The following LRRC23 variants were observed in gnomAD, a reference collection of about 807,000 sequenced individuals.
The protein encoded by LRRC23 is leucine-rich repeat-containing protein 23.
LRRC23 carries 28 observed loss-of-function variants against 37.7 expected under a neutral mutation model. The ratio of observed to expected loss-of-function variants is 0.74; its 90% confidence interval spans 0.55 to 1.02. The LOEUF is 1.02. Among genes scored for constraint, LRRC23 ranks in the 50% least tolerant of loss-of-function variants. The pLI is 0.00. For missense variants in LRRC23, 377 were observed against 413.2 expected (o/e 0.91, Z 0.76); for synonymous variants, 161 against 165.4 (o/e 0.97, Z 0.20).
chr12:6,906,336 T>C, intron 3 of LRRC23, 73 bp from the exon 4 acceptor site: 1 of 1,473,464 alleles, frequency 6.8e-7, no homozygotes. Context: ...TGCCTTCTGC[T>C]TTAGCAACTC....
chr12:6,907,859 G>A, intron 5 of LRRC23: 1 of 313,622 alleles, frequency 3.2e-6, no homozygotes. Flanking sequence ...ACACCAGCTG[G>A]GTGATCTCTA....
At chr12:6,906,731 A>G in intron 4 of LRRC23, 69 bp downstream of exon 4, 1 of 1,547,568 alleles carries the variant, frequency 6.5e-7, no homozygotes, top group Non-Finnish European at 8.8e-7. Context: ...AGTGGGCAGT[A>G]TGGTCCTTGG....
At chr12:6,908,055 A>G (rs781863140) in intron 5 of LRRC23, among the ~76,000 whole-genome samples, 2 of 152,104 alleles carry the variant, frequency 1.3e-5, no homozygotes, top group Non-Finnish European at 2.9e-5. Context: ...TTAATTTTCT[A>G]GAGTGGTTTT....
chr12:6,908,621 C>CAAAAAAA (rs1565552985), intron 5 of LRRC23, among the ~76,000 whole-genome samples: 482 of 39,002 alleles, frequency 0.012, 7 homozygotes, highest in African/African-American at 0.066. Context: ...AAAAAAAAAA[C>CAAAAAAA]CAAAGAAAAA....
In LRRC23 at chr12:6,907,419, C is replaced by T; in HGVS notation, c.595C>T (p.Leu199Phe). 6.2e-7 allele frequency: 1 copy of T among 1,614,064 alleles called. No individual in the cohort carries two copies. Among genetic ancestry groups the T allele is most frequent in the Non-Finnish European group, 8.5e-7 (1 of 1,180,024 alleles). ...GCTGGAAAGCACCCTGGGAATCAATCTTCCTAAGCTGAAGAACCTCTACCT... is the reference window on the plus strand; with the variant it reads ...GCTGGAAAGCACCCTGGGAATCAATTTTCCTAAGCTGAAGAACCTCTACCT... The part of the protein sequence containing the change: ...NQLESTLGIN[L>F]PKLKNLYLAQ... The change falls in exon 5 of 8, where the codon CTT becomes TTT. Residue 199 changes from leucine (L) to phenylalanine (F), a missense_variant. Leu to Phe is a conservative substitution (Grantham distance 22). This residue lies in a region of LRRC23 where 266 missense variants were observed against 285.6 expected (regional missense o/e 0.93). Transcript: ENST00000443597.
At chr12:6,909,065 ATATATAT>A (rs1188364517) in intron 5 of LRRC23, among the ~76,000 whole-genome samples, 2 of 38,636 alleles carry the variant, frequency 5.2e-5, no homozygotes, top group African/African-American at 4.3e-4. Context: ...TTATATATAA[ATATATAT>A]TATATATTAT....
intron 6 of LRRC23, among the ~76,000 whole-genome samples, chr12:6,910,864 C>A (rs1344254967): frequency 6.6e-6 from 1 of 152,134 alleles, no homozygotes; most frequent in Non-Finnish European, 1.5e-5. Flanking sequence ...TTGCAGTGAG[C>A]CATGATTGTG....
chr12:6,910,488 C>T (rs782613519), intron 6 of LRRC23, among the ~76,000 whole-genome samples: 11 of 152,196 alleles, frequency 7.2e-5, no homozygotes, highest in Middle Eastern at 3.4e-3. Context: ...GTGGGCAGAT[C>T]GTTGGAGCCT....
Position 6,912,797 on chromosome 12 carries a change from G to A in LRRC23, c.826G>A (p.Val276Met). ...AGACCTGCCCAAGCTGCGAGCGTTG[G>A]TGCTGCTTGATAACCCATGCACGGA... is the stretch of plus-strand genomic sequence containing the variant. Reference protein sequence around the residue: ...LRDLPKLRALVLLDNPCTDET... With the variant: ...LRDLPKLRALMLLDNPCTDET... The change falls in exon 7 of 8, where the codon GTG becomes ATG. Residue 276 changes from valine to methionine, a missense_variant. Coordinates refer to ENST00000443597, the MANE Select transcript of LRRC23 (RefSeq NM_001135217.2). 1 of 1,614,186 alleles carries A rather than the reference G, an allele frequency of 6.2e-7. No homozygotes were observed. The highest frequency in any genetic ancestry group is 8.5e-7 in the Non-Finnish European group (1 of 1,180,040).
In LRRC23 at chr12:6,905,606, A is replaced by G. The variant is rs1436996907; in HGVS notation, c.-28A>G. 1.9e-5 allele frequency: 31 copies of G among 1,612,394 alleles called. No homozygotes were observed. Among genetic ancestry groups the G allele is most frequent in the Non-Finnish European group, 2.4e-5 (28 of 1,179,078 alleles). ...TCAGGAGGAGGACTGAGCTTATCTGACTCCAGAGCTTTCAGGAGGGAAGAA... is the reference window on the plus strand; with the variant it reads ...TCAGGAGGAGGACTGAGCTTATCTGGCTCCAGAGCTTTCAGGAGGGAAGAA... On this transcript the variant is annotated 5_prime_UTR_variant, in exon 2 of 8. Transcript: ENST00000443597.
intron 6 of LRRC23, among the ~76,000 whole-genome samples, chr12:6,910,448 C>T (rs1555140568): frequency 1.3e-5 from 2 of 152,078 alleles, no homozygotes; most frequent in Non-Finnish European, 2.9e-5. Context: ...GTGGCTCACA[C>T]CTGTAGTTCT....
At chr12:6,906,005 C>A in intron 3 of LRRC23, 51 bp downstream of exon 3, 1 of 1,452,226 alleles carries the variant, frequency 6.9e-7, no homozygotes, top group Non-Finnish European at 9.6e-7. Flanking sequence ...GGGCCCCTAT[C>A]TCCTTTCCCA....
intron 6 of LRRC23, 57 bp from the exon 7 acceptor site, chr12:6,912,673 C>T: frequency 6.6e-7 from 1 of 1,511,108 alleles, no homozygotes; most frequent in Non-Finnish European, 9.1e-7. Flanking sequence ...CCATTCCTAG[C>T]AACTGGCAAC....
Position 6,906,551 on chromosome 12 carries a change from A to T in LRRC23, c.379A>T (p.Ser127Cys), listed in dbSNP as rs1555139634. Residue 127 changes from serine to cysteine, a missense_variant, in exon 4 of 8, where the codon AGT becomes TGT. Physicochemically the swap from Ser to Cys is moderately radical, Grantham distance 112. This residue lies in a region of LRRC23 where 266 missense variants were observed against 285.6 expected (regional missense o/e 0.93). Transcript: ENST00000443597. ...WLKADGNRLR[S>C]AQMNELPYLQ... is the part of the protein sequence containing the mutation. ...CAAGGCTGATGGCAATCGGCTGCGA[A>T]GTGCCCAGATGAATGAACTGCCCTA... 1.9e-6 allele frequency: 3 copies of T among 1,614,232 alleles called. No individual in the cohort carries two copies. Among genetic ancestry groups the T allele is most frequent in the Non-Finnish European group, 2.5e-6 (3 of 1,180,044 alleles).
chr12:6,912,636 T>C, intron 6 of LRRC23, 94 bp from the exon 7 acceptor site: 2 of 1,155,804 alleles, frequency 1.7e-6, no homozygotes, highest in Non-Finnish European at 2.5e-6. Flanking sequence ...CTAGGGACAC[T>C]GGAACCCCGA....
chr12:6,909,945 C>G lies in LRRC23; in HGVS notation c.677C>G (p.Thr226Ser), dbSNP rs782297132. 2.5e-6 allele frequency: 4 copies of G among 1,613,950 alleles called. No individual in the cohort carries two copies. The highest frequency in any genetic ancestry group is 1.1e-5 in the South Asian group (1 of 91,070). ...TTGGAGGATCTGAGCAATCTCACCA[C>G]CTTGCATCTTCGAGACAACCAGATT... Reference protein sequence around the residue: ...EGLEDLSNLTTLHLRDNQIDT... With the variant: ...EGLEDLSNLTSLHLRDNQIDT... The change falls in exon 6 of 8, where the codon ACC (threonine) becomes AGC (serine). Residue 226 changes from threonine to serine, a missense_variant. Around this residue, in one of 3 missense-constraint regions of LRRC23, gnomAD observed 266 missense variants for 285.6 expected, o/e 0.93. Coordinates refer to ENST00000443597, the MANE Select transcript of LRRC23 (RefSeq NM_001135217.2).
Position 6,913,551 on chromosome 12 carries a change from G to GTTTTTTTTTTTTTTTTTTTT in LRRC23, c.*25-337_*25-336insTTTTTTTTTTTTTTTTTTTT, listed in dbSNP as rs1248085636. ...TAGGGGAGAGGCTTTATTTACCTCT[G>GTTTTTTTTTTTTTTTTTTTT]TTTGTTTTTTTTTTTTTTTTTTTTT... On this transcript the variant is annotated intron_variant, in intron 7 of 7. Transcript: ENST00000443597. 4.2e-4 allele frequency among the ~76,000 whole-genome samples: 33 copies of GTTTTTTTTTTTTTTTTTTTT among 78,174 alleles called. 11 individuals are homozygous for GTTTTTTTTTTTTTTTTTTTT. The highest frequency in any genetic ancestry group is 1.3e-3 in the African/African-American group (25 of 19,546). The allele number at this position is 78,174 out of a possible 152,430, so 51.3% of individuals were successfully genotyped here.
Position 6,906,520 on chromosome 12 carries a change from C to G in LRRC23, c.348C>G (p.Leu116=). ...CACTCAACTACCTCACCCACCTGCT[C>G]TGGCTCAAGGCTGATGGCAATCGGC... is the stretch of plus-strand genomic sequence containing the variant. ...LSPLNYLTHL[L]WLKADGNRLR... The change falls in exon 4 of 8, where the codon CTC becomes CTG. Residue 116 remains leucine (L), a synonymous_variant. Coordinates refer to ENST00000443597, the MANE Select transcript of LRRC23 (RefSeq NM_001135217.2). The G allele has an allele frequency of 1.2e-6, 2 of 1,614,236 alleles. No individual in the cohort carries two copies. The highest frequency in any genetic ancestry group is 1.7e-6 in the Non-Finnish European group (2 of 1,180,032).
At chr12:6,910,066 G>T in intron 6 of LRRC23, 40 bp downstream of exon 6, 1 of 1,564,082 alleles carries the variant, frequency 6.4e-7, no homozygotes, top group South Asian at 1.2e-5. Context: ...CCCTACCCCT[G>T]ACCAGGTGCA....
Sources: allele counts gnomAD v4.1 joint callset (sites outside exome capture counted in the v4.1 genomes callset), GRCh38; gene constraint gnomAD v4.1.1; regional missense constraint gnomAD v4.1.1; transcripts MANE v1.5; gene names NCBI Gene and HGNC (gene_info 2026-07-23, HGNC 2026-07-21).